OXR1: variants seen among roughly 807,000 people sequenced by gnomAD.
The protein encoded by OXR1 is oxidation resistance 1, also known as oxidation resistance protein 1.
In OXR1, 41 loss-of-function variants were observed where a neutral mutation model predicts 104.6. The observed-to-expected ratio is 0.39, with a 90% CI of 0.31 to 0.51. The LOEUF is 0.51. Among genes scored for constraint, OXR1 ranks in the 20% least tolerant of loss-of-function variants. OXR1 has a pLI of 0.77. For missense variants in OXR1, 955 were observed against 1,031.9 expected (o/e 0.93, Z 1.02); for synonymous variants, 348 against 348.4 (o/e 1.00, Z 0.01).
intron 3 of OXR1, among the ~76,000 whole-genome samples, chr8:106,640,462 T>C (rs542162048): frequency 1.3e-5 from 2 of 151,964 alleles, no homozygotes; most frequent in South Asian, 4.1e-4. Context: ...ATAATCATCA[T>C]TGAGACCTTA....
chr8:106,396,033 C>T (rs1251110997), intron 2 of OXR1, among the ~76,000 whole-genome samples: 2 of 151,982 alleles, frequency 1.3e-5, no homozygotes, highest in African/African-American at 4.8e-5. Flanking sequence ...AGTTTACAAC[C>T]CAAAGCATAA....
intron 2 of OXR1, among the ~76,000 whole-genome samples, chr8:106,499,873 GTC>G (rs1303279145): frequency 6.6e-6 from 1 of 152,220 alleles, no homozygotes; most frequent in Non-Finnish European, 1.5e-5. Context: ...GCTTGTCACT[GTC>G]TCAGCAGTGA....
At chr8:106,596,387 A>C (rs1006229540) in intron 3 of OXR1, among the ~76,000 whole-genome samples, 4 of 152,100 alleles carry the variant, frequency 2.6e-5, no homozygotes, top group African/African-American at 4.8e-5. Flanking sequence ...CATAGTTTGC[A>C]GTGAGTTGAG....
At chr8:106,438,322 G>A (rs2130581592) in intron 2 of OXR1, among the ~76,000 whole-genome samples, 1 of 152,130 alleles carries the variant, frequency 6.6e-6, no homozygotes, top group South Asian at 2.1e-4. Flanking sequence ...CAAAACAGGA[G>A]TCACTAGTTT....
intron 2 of OXR1, among the ~76,000 whole-genome samples, chr8:106,445,559 C>T (rs1819979259): frequency 6.6e-6 from 1 of 152,220 alleles, no homozygotes; most frequent in African/African-American, 2.4e-5. Context: ...TATGCACGCT[C>T]TCACTTACTT....
intron 3 of OXR1, among the ~76,000 whole-genome samples, chr8:106,554,922 T>G (rs1816146929): frequency 6.6e-6 from 1 of 152,200 alleles, no homozygotes; most frequent in Non-Finnish European, 1.5e-5. Flanking sequence ...TGTTATTGTA[T>G]ATATTTAAAG....
At chr8:106,616,746 C>T (rs180948553) in intron 3 of OXR1, among the ~76,000 whole-genome samples, 82 of 152,274 alleles carry the variant, frequency 5.4e-4, no homozygotes, top group Non-Finnish European at 1.1e-3. Flanking sequence ...CCATTTTCTT[C>T]GTGATCATTG....
At chr8:106,316,720 CTAT>C (rs1563713932) in intron 1 of OXR1, among the ~76,000 whole-genome samples, 1 of 11,558 alleles carries the variant, frequency 8.7e-5, no homozygotes, top group Non-Finnish European at 2.2e-4. Context: ...TATCTATCAT[CTAT>C]CTATCTATCT....
Position 106,339,534 on chromosome 8 carries a change from A to T in OXR1, c.-138-19942A>T, listed in dbSNP as rs1396019694. 9.8e-4 allele frequency among the ~76,000 whole-genome samples: 60 copies of T among 61,266 alleles called. 6 individuals carry two copies. The highest frequency in any genetic ancestry group is 6.2e-3 in the African/African-American group (58 of 9,414). 40.2% of individuals were successfully genotyped at this position (61,266 alleles called of 152,430 possible). A position where few individuals can be genotyped will look rare whatever the true frequency, so the allele number is the denominator to read the frequency against. On this transcript the variant is annotated intron_variant, in intron 1 of 16. Transcript: ENST00000517566. Reference sequence around the variant, plus strand: ...AAAAAAAAAAAATATATATATATATATATATATATATATATATATATAAAA... The same window carrying T: ...AAAAAAAAAAAATATATATATATATTTATATATATATATATATATATAAAA...
At chr8:106,629,169 G>T (rs1211834112) in intron 3 of OXR1, among the ~76,000 whole-genome samples, 1 of 152,092 alleles carries the variant, frequency 6.6e-6, no homozygotes, top group Admixed American at 6.5e-5. Flanking sequence ...GGTGTGCTTA[G>T]ATAGTAAAAT....
chr8:106,333,700 A>G (rs1013902534), intron 1 of OXR1, among the ~76,000 whole-genome samples: 1 of 152,116 alleles, frequency 6.6e-6, no homozygotes, highest in Admixed American at 6.6e-5. Context: ...TTGCATGTAG[A>G]TAATGATTGT....
intron 1 of OXR1, among the ~76,000 whole-genome samples, chr8:106,314,195 T>C (rs558503193): frequency 2.0e-5 from 3 of 152,156 alleles, no homozygotes; most frequent in Non-Finnish European, 4.4e-5. Context: ...TCTAGGAGTA[T>C]GTTATGATGT....
At chr8:106,689,562 A>G (rs146985368) in intron 6 of OXR1, among the ~76,000 whole-genome samples, 3 of 152,118 alleles carry the variant, frequency 2.0e-5, no homozygotes, top group African/African-American at 7.2e-5. Context: ...CTTTATTTAT[A>G]TTCTAGAATT....
At chr8:106,284,786 A>G (rs1264703968) in intron 1 of OXR1, among the ~76,000 whole-genome samples, 1 of 149,336 alleles carries the variant, frequency 6.7e-6, no homozygotes, top group East Asian at 1.9e-4. Flanking sequence ...ATAAAAAGCT[A>G]TTAACATTAA....
chr8:106,389,160 G>A (rs893673425), intron 2 of OXR1, among the ~76,000 whole-genome samples: 1 of 152,094 alleles, frequency 6.6e-6, no homozygotes, highest in Non-Finnish European at 1.5e-5. Context: ...ATTAATTTTT[G>A]TAATGATGAC....
chr8:106,504,182 A>G (rs1012788973), intron 2 of OXR1, among the ~76,000 whole-genome samples: 1 of 152,204 alleles, frequency 6.6e-6, no homozygotes, highest in Non-Finnish European at 1.5e-5. Flanking sequence ...CTTTGTACAC[A>G]TGAAGGAATT....
intron 3 of OXR1, among the ~76,000 whole-genome samples, chr8:106,658,370 G>C (rs1186048154): frequency 6.6e-6 from 1 of 152,188 alleles, no homozygotes; most frequent in African/African-American, 2.4e-5. Flanking sequence ...TTCGGCTCTG[G>C]GGAGGGAAGA....
intron 3 of OXR1, among the ~76,000 whole-genome samples, chr8:106,655,095 A>C (rs540621517): frequency 6.6e-6 from 1 of 152,298 alleles, no homozygotes; most frequent in African/African-American, 2.4e-5. Flanking sequence ...AGGCAAATCC[A>C]CCGAGGCAGA....
At chr8:106,552,899 A>G (rs1357842166) in intron 3 of OXR1, among the ~76,000 whole-genome samples, 2 of 152,300 alleles carry the variant, frequency 1.3e-5, no homozygotes, top group South Asian at 4.1e-4. Flanking sequence ...GTGTGGTCAT[A>G]GTGGTCGATG....
Sources: gnomAD v4.1 joint callset for allele counts (sites outside exome capture counted in the v4.1 genomes callset) on GRCh38, gnomAD v4.1.1 for gene constraint, MANE v1.5 for transcripts, NCBI Gene and HGNC (gene_info 2026-07-23, HGNC 2026-07-21) for gene names.